The following LIMA1 variants were observed in gnomAD, a reference collection of about 807,000 sequenced individuals.
The protein encoded by LIMA1 is LIM domain and actin-binding protein 1.
A neutral mutation model predicts 62.6 loss-of-function variants in LIMA1; 52 were observed. The ratio of observed to expected loss-of-function variants is 0.83; its 90% CI spans 0.67 to 1.05. The LOEUF is 1.05. LIMA1 is among the 50% of genes least tolerant of loss of function. LIMA1 has a pLI of 0.00. For synonymous variants in LIMA1, 302 were observed against 317.8 expected (o/e 0.95, Z 0.53); for missense variants, 780 against 902.2 (o/e 0.86, Z 1.74).
chr12:50,250,290 CAAAA>C (rs11327744), intron 1 of LIMA1, among the ~76,000 whole-genome samples: 4 of 64,616 alleles, frequency 6.2e-5, no homozygotes, highest in South Asian at 5.9e-4. Flanking sequence ...AACTCCGTTT[CAAAA>C]AAAAAAAAAA....
chr12:50,221,873 T>C, intron 4 of LIMA1, 148 bp downstream of exon 4: 1 of 648,886 alleles, frequency 1.5e-6, no homozygotes, highest in Admixed American at 3.0e-5. Flanking sequence ...ATGTAAATAA[T>C]GCATTTGAGA....
Position 50,266,457 on chromosome 12 carries a change from A to C in LIMA1, c.-24+16963T>G, listed in dbSNP as rs989785833. Among the ~76,000 whole-genome samples the C allele has an allele frequency of 2.0e-5, 3 of 152,214 alleles. No homozygotes were observed. The South Asian group carries it at 6.2e-4, about 32-fold the overall frequency. On this transcript the variant is annotated intron_variant, in intron 1 of 10. Transcript: ENST00000341247. ...CATCTTCCCACCTCAGGGCATACAG[A>C]TCTATCTCAATCTTTCAGTACCTCA...
At chr12:50,197,501 G>T (rs759205070) in intron 7 of LIMA1, among the ~76,000 whole-genome samples, 1 of 152,162 alleles carries the variant, frequency 6.6e-6, no homozygotes, top group Non-Finnish European at 1.5e-5. Flanking sequence ...GCAGCTGAGG[G>T]TTTGTAAACC....
In LIMA1 at chr12:50,177,832, C is replaced by G; in HGVS notation, c.1512G>C (p.Leu504=). ...AGGCCTTGGCTTCCATACTTGCAGC[C>G]AGGACACCCACCTTAGCAATAGGGG... ...EDAPIAKVGV[L]AASMEAKASS... Residue 504 remains leucine (L), a synonymous_variant, in exon 11 of 11, where the codon CTG becomes CTC. Transcript: ENST00000341247. The G allele has an allele frequency of 6.2e-7, 1 of 1,613,240 alleles. No individual in the cohort carries two copies. The highest frequency in any genetic ancestry group is 1.1e-5 in the South Asian group (1 of 90,964).
intron 4 of LIMA1, among the ~76,000 whole-genome samples, chr12:50,211,353 T>C (rs1040049285): frequency 5.8e-4 from 42 of 73,012 alleles, no homozygotes; most frequent in Admixed American, 2.5e-3. Context: ...AAAAAAAGAA[T>C]AACAACAAGG....
intron 2 of LIMA1, among the ~76,000 whole-genome samples, chr12:50,248,219 C>T (rs1446043191): frequency 6.6e-6 from 1 of 152,178 alleles, no homozygotes; most frequent in African/African-American, 2.4e-5. Flanking sequence ...GAGTGCTTAA[C>T]GCACCATTCA....
chr12:50,215,486 C>G (rs1022481963), intron 4 of LIMA1, among the ~76,000 whole-genome samples: 1 of 151,998 alleles, frequency 6.6e-6, no homozygotes, highest in Non-Finnish European at 1.5e-5. Flanking sequence ...ATTTATTTTT[C>G]TTTGAGGCAG....
chr12:50,254,188 T>C (rs1941964968), intron 1 of LIMA1, among the ~76,000 whole-genome samples: 1 of 152,148 alleles, frequency 6.6e-6, no homozygotes, highest in Non-Finnish European at 1.5e-5. Context: ...AACTGCTGGA[T>C]TGGAAGACAG....
intron 10 of LIMA1, among the ~76,000 whole-genome samples, chr12:50,179,009 T>C (rs1226381984): frequency 2.6e-5 from 4 of 151,870 alleles, no homozygotes; most frequent in Admixed American, 6.6e-5. Context: ...AGAATCTCGC[T>C]CTGTCGCCCA....
At chr12:50,193,990 TATATATA>T (rs1940867811) in intron 8 of LIMA1, among the ~76,000 whole-genome samples, 2 of 84,200 alleles carry the variant, frequency 2.4e-5, no homozygotes, top group African/African-American at 1.1e-4. Context: ...TATATATATA[TATATATA>T]TTTTTTTTGA....
intron 1 of LIMA1, among the ~76,000 whole-genome samples, chr12:50,277,774 GC>G (rs1471080394): frequency 6.6e-6 from 1 of 152,094 alleles, no homozygotes; most frequent in Non-Finnish European, 1.5e-5. Flanking sequence ...AAAAGCCTGT[GC>G]TTCCCCCACA....
chr12:50,182,238 G>C, intron 9 of LIMA1: 1 of 514,906 alleles, frequency 1.9e-6, no homozygotes, highest in Non-Finnish European at 3.4e-6. Flanking sequence ...AAACTGTGTG[G>C]CTGCTCTAAA....
intron 6 of LIMA1, chr12:50,201,287 T>C (rs1476784392): frequency 2.0e-6 from 2 of 1,006,922 alleles, no homozygotes; most frequent in East Asian, 1.1e-4. Flanking sequence ...GTGCCAATAA[T>C]AGAAAATATA....
Position 50,222,016 on chromosome 12 carries a change from C to G in LIMA1, c.630+5G>C. 6.2e-7 allele frequency: 1 copy of G among 1,601,676 alleles called. No individual in the cohort carries two copies. The highest frequency in any genetic ancestry group is 8.5e-7 in the Non-Finnish European group (1 of 1,173,722). On this transcript the variant is annotated splice_donor_5th_base_variant and intron_variant, in intron 4 of 10. Transcript: ENST00000341247. ...TCTCAAGTTTCAAACCCGCCCAATT[C>G]TTACCTTAGTTTGAGTTGGTTCACC...
At chr12:50,233,249 AG>A (rs1301001698) in intron 2 of LIMA1, among the ~76,000 whole-genome samples, 1 of 152,242 alleles carries the variant, frequency 6.6e-6, no homozygotes, top group African/African-American at 2.4e-5. Context: ...TCTAAGCCTC[AG>A]TTTCCTTATC....
At chr12:50,252,230 T>C (rs749738020) in intron 1 of LIMA1, among the ~76,000 whole-genome samples, 4 of 151,970 alleles carry the variant, frequency 2.6e-5, no homozygotes, top group African/African-American at 7.3e-5. Context: ...AGGAGGAGAA[T>C]AGCATTAGCA....
At chr12:50,210,134 C>A (rs1941226814) in intron 4 of LIMA1, among the ~76,000 whole-genome samples, 1 of 151,750 alleles carries the variant, frequency 6.6e-6, no homozygotes, top group South Asian at 2.1e-4. Flanking sequence ...TTTGAAAAAC[C>A]AAAAGGGGCC....
At chr12:50,280,158 T>A (rs1269366116) in intron 1 of LIMA1, among the ~76,000 whole-genome samples, 4 of 132,452 alleles carry the variant, frequency 3.0e-5, no homozygotes, top group African/African-American at 1.2e-4. Context: ...TTTTTTTTTT[T>A]TTTTTTTTTT....
rs762547850 is a variant in LIMA1 at position 50,177,221 on chromosome 12, G to A, written c.2123C>T (p.Ser708Leu). 1.8e-5 allele frequency: 29 copies of A among 1,613,924 alleles called. No individual in the cohort carries two copies. In the East Asian group the frequency reaches 3.1e-4, roughly 17 times the overall value. Reference protein sequence around the residue: ...SPQEPKSLNWSSFVDNTFAEE... With the variant: ...SPQEPKSLNWLSFVDNTFAEE... ...AGCAAAGGTGTTGTCTACAAAACTC[G>A]ACCAATTCAGAGACTTGGGTTCTTG... The change falls in exon 11 of 11, where the codon TCG becomes TTG. Residue 708 changes from serine to leucine, a missense_variant. Physicochemically the swap from Ser to Leu is moderately radical, Grantham distance 145 (BLOSUM62 -2). Transcript: ENST00000341247.
Sources: allele counts gnomAD v4.1 joint callset (sites outside exome capture counted in the v4.1 genomes callset), GRCh38; gene constraint gnomAD v4.1.1; transcripts MANE v1.5; gene names NCBI Gene and HGNC (gene_info 2026-07-23, HGNC 2026-07-21).